Variants in PNPLA6 observed in about 807,000 individuals in gnomAD.
PNPLA6 encodes the protein patatin-like phospholipase domain-containing protein 6.
A neutral mutation model predicts 153.7 loss-of-function variants in PNPLA6; 105 were observed. The ratio of observed to expected loss-of-function variants is 0.68; its 90% CI spans 0.58 to 0.80. PNPLA6 has a LOEUF of 0.80. Among genes scored for constraint, PNPLA6 ranks in the 30% least tolerant of loss-of-function variants. PNPLA6 has a pLI of 0.00. For synonymous variants in PNPLA6, 825 were observed against 822.2 expected (o/e 1.00, Z -0.06); for missense variants, 1,423 against 1,919.3 (o/e 0.74, Z 4.83).
Position 7,541,461 on chromosome 19 carries a change from A to T in PNPLA6, c.1005+27A>T. On this transcript the variant is annotated intron_variant, in intron 8 of 31. Coordinates refer to ENST00000600737, the MANE Select transcript of PNPLA6 (RefSeq NM_001166114.2). The surrounding 1 kb of genome is among the most constrained non-coding windows in gnomAD (Gnocchi z 5.2). ...TGAGTGGGTGGCGGGGAGCGAGCAC[A>T]GGGGGGATGGGGGCGAGGTCTCCCT... 1 of 1,612,866 alleles carries T rather than the reference A, an allele frequency of 6.2e-7. No individual in the cohort carries two copies. Among genetic ancestry groups the T allele is most frequent in the Non-Finnish European group, 8.5e-7 (1 of 1,179,146 alleles).
In PNPLA6 at chr19:7,540,947, G is replaced by A; in HGVS notation, c.820G>A (p.Val274Met). Residue 274 changes from valine (V) to methionine (M), a missense_variant, in exon 7 of 32, where the codon GTG (valine) becomes ATG (methionine). Around this residue, in one of 10 missense-constraint regions of PNPLA6, gnomAD observed 118 missense variants for 158.8 expected, o/e 0.74. Transcript: ENST00000600737. This position sits in a 1 kb window ranked among gnomAD's most constrained non-coding sequence, Gnocchi z 6.8. ...GGGTCACCAGCATCCCCAGCGGACC[G>A]TGTCTGCCCGGGCGGCCCGGGACTC... ...ITGHQHPQRT[V>M]SARAARDSTV... The A allele has an allele frequency of 6.2e-7, 1 of 1,612,720 alleles. No homozygotes were observed. Among genetic ancestry groups the A allele is most frequent in the Non-Finnish European group, 8.5e-7 (1 of 1,179,852 alleles).
chr19:7,560,819 G>GC lies in PNPLA6; in HGVS notation c.3816+60dup, dbSNP rs973515680. 23 of 1,233,428 alleles carry GC rather than the reference G, an allele frequency of 1.9e-5. No individual in the cohort carries two copies. In the African/African-American group the frequency reaches 3.1e-4, roughly 17 times the overall value. The allele number at this position is 1,233,428 out of a possible 1,614,324, so 76.4% of individuals were successfully genotyped here. ...TGACTCCACTGATTACAGAACCCAA[G>GC]CCCCCTTAAAGTCTCCCCGAAACCT... On this transcript the variant is annotated intron_variant, in intron 29 of 31. Transcript: ENST00000600737.
At chr19:7,535,608 C>A, upstream of PNPLA6, 3 of 1,595,020 alleles carry the variant, frequency 1.9e-6, no homozygotes, top group Non-Finnish European at 2.6e-6. The surrounding 1 kb of genome is among the most constrained non-coding windows in gnomAD (Gnocchi z 5.0). Context: ...CGGGTAGGTG[C>A]CGGCGTGGGG....
rs1568420253 is a variant in PNPLA6 at position 7,555,255 on chromosome 19, C to G, written c.2824C>G (p.Leu942Val). The change falls in exon 23 of 32, where the codon CTC becomes GTC. Residue 942 changes from leucine (L) to valine (V), a missense_variant. Physicochemically the swap from Leu to Val is conservative, Grantham distance 32. This residue lies in a region of PNPLA6 where 643 missense variants were observed against 835.2 expected (regional missense o/e 0.77). Transcript: ENST00000600737. This position sits in a 1 kb window ranked among gnomAD's most constrained non-coding sequence, Gnocchi z 6.3. Reference sequence around the variant, plus strand: ...ACTATCTCCCCCATCCCAGCATGAGCTCTACGAGAAGGTTTTCTCCAGGCG... The same window carrying G: ...ACTATCTCCCCCATCCCAGCATGAGGTCTACGAGAAGGTTTTCTCCAGGCG... ...SRRSPAKLHE[L>V]YEKVFSRRAD... is the part of the protein sequence containing the mutation. 6.3e-7 allele frequency: 1 copy of G among 1,597,088 alleles called. No homozygotes were observed. The highest frequency in any genetic ancestry group is 8.5e-7 in the Non-Finnish European group (1 of 1,171,684).
At chr19:7,539,660 G>A (rs1442229397) in intron 3 of PNPLA6, among the ~76,000 whole-genome samples, 1 of 151,826 alleles carries the variant, frequency 6.6e-6, no homozygotes, top group African/African-American at 2.4e-5. Context: ...GGGAGGCTGA[G>A]GCAGGAGAAT....
intron 28 of PNPLA6, 74 bp downstream of exon 28, chr19:7,559,225 T>C: frequency 7.7e-7 from 1 of 1,299,138 alleles, no homozygotes. Flanking sequence ...CCCAGAGTGG[T>C]ATGAGGGGGA....
At chr19:7,539,757 CA>C (rs762061101) in intron 3 of PNPLA6, among the ~76,000 whole-genome samples, 160 bp from the exon 4 acceptor site, 184 of 50,888 alleles carry the variant, frequency 3.6e-3, no homozygotes, top group Middle Eastern at 0.031. Context: ...AACTTCGTCT[CA>C]AAAAAAAAAA....
chr19:7,548,357 C>CA (rs1396539937), intron 13 of PNPLA6, among the ~76,000 whole-genome samples: 3 of 147,362 alleles, frequency 2.0e-5, no homozygotes, highest in African/African-American at 7.6e-5. Context: ...ACCAACAAAC[C>CA]AAAAAACCCC....
rs199903577 is a variant in PNPLA6 at position 7,542,883 on chromosome 19, C to T, written c.1485C>T (p.Ile495=). Reference sequence around the variant, plus strand: ...ACCAGGGCCGCCAGACCAGCAGCATCTTCGAGGCAGCAAAGCAGGAGCTGG... The same window carrying T: ...ACCAGGGCCGCCAGACCAGCAGCATTTTCGAGGCAGCAAAGCAGGAGCTGG... ...GPYQGRQTSS[I]FEAAKQELAK... Residue 495 remains isoleucine (I), a synonymous_variant, in exon 12 of 32, where the codon ATC becomes ATT. Transcript: ENST00000600737. 2,602 of 1,613,428 alleles carry T rather than the reference C, an allele frequency of 1.6e-3. 17 individuals carry two copies. Among genetic ancestry groups the T allele is most frequent in the South Asian group, 0.011 (1,006 of 91,088 alleles).
rs1278398030 is a variant in PNPLA6, at chr19:7,551,125, C to T, written c.2184+18C>T. 1.6e-5 allele frequency: 9 copies of T among 562,274 alleles called. No individual in the cohort carries two copies. Among genetic ancestry groups the T allele is most frequent in the Non-Finnish European group, 2.6e-5 (9 of 341,778 alleles). 34.8% of individuals were successfully genotyped at this position (562,274 alleles called of 1,614,324 possible). A position where few individuals can be genotyped will look rare whatever the true frequency, so the allele number is the denominator to read the frequency against. On this transcript the variant is annotated intron_variant, in intron 17 of 31. Coordinates refer to ENST00000600737, the MANE Select transcript of PNPLA6 (RefSeq NM_001166114.2). Reference sequence around the variant, plus strand: ...ACCCGCAGGTGCGGCCTGTTGTGGGCGGGGCAGAGAGGCGGAGGCGGGACT... The same window carrying T: ...ACCCGCAGGTGCGGCCTGTTGTGGGTGGGGCAGAGAGGCGGAGGCGGGACT...
At chr19:7,542,165 G>A (rs1048471471) in intron 10 of PNPLA6, 98 bp downstream of exon 10, 7 of 917,748 alleles carry the variant, frequency 7.6e-6, no homozygotes, top group South Asian at 1.3e-5. Context: ...CTGCGAAATG[G>A]GAACACTGCC....
Position 7,541,973 on chromosome 19 carries a change from G to A in PNPLA6, c.1169-11G>A, listed in dbSNP as rs1233240444. 2 of 1,606,082 alleles carry A rather than the reference G, an allele frequency of 1.2e-6. No homozygotes were observed. ...CTGAGGGGCAGGAGCCTGAACATGT[G>A]TCTCCCCCAGGGGACCCTGTGAAGC... On this transcript the variant is annotated splice_polypyrimidine_tract_variant and intron_variant, in intron 9 of 31. Coordinates refer to ENST00000600737, the MANE Select transcript of PNPLA6 (RefSeq NM_001166114.2). The surrounding 1 kb of genome is among the most constrained non-coding windows in gnomAD (Gnocchi z 5.2).
rs775074101 is a variant in PNPLA6 at position 7,540,976 on chromosome 19, G to T, written c.849G>T (p.Thr283=). The change falls in exon 7 of 32, where the codon ACG becomes ACT. Residue 283 remains threonine (T), a synonymous_variant. Transcript: ENST00000600737. The surrounding 1 kb of genome is among the most constrained non-coding windows in gnomAD (Gnocchi z 6.8). ...CTGCCCGGGCGGCCCGGGACTCCAC[G>T]GTGCTGCGCCTGCCGGTGGAAGCAT... ...TVSARAARDS[T]VLRLPVEAFS... 1.9e-6 allele frequency: 3 copies of T among 1,610,704 alleles called. No individual in the cohort carries two copies. In the Admixed American group the frequency reaches 5.0e-5, roughly 27 times the overall value.
chr19:7,554,775 C>T, intron 21 of PNPLA6, 52 bp downstream of exon 21: 1 of 1,599,142 alleles, frequency 6.3e-7, no homozygotes. Flanking sequence ...CGTCCTTTGC[C>T]CTCCCGTGCC....
In PNPLA6 at chr19:7,561,537, C is replaced by T. The variant is rs116012798; in HGVS notation, c.4073C>T (p.Pro1358Leu). The change falls in exon 32 of 32, where the codon CCG (proline) becomes CTG (leucine). Residue 1358 changes from proline to leucine, a missense_variant. Pro to Leu is a moderately conservative substitution (Grantham distance 98). Transcript: ENST00000600737. ...LRQRRCLPQE[P>L]PGSATDA ...CAACGACGCTGTCTGCCCCAGGAGC[C>T]GCCCGGCTCAGCCACAGATGCCTGA... 8.1e-4 allele frequency: 1,296 copies of T among 1,606,888 alleles called. 14 individuals are homozygous for T. The African/African-American group carries it at 0.015, about 18-fold the overall frequency.
Position 7,555,267 on chromosome 19 carries a change from G to GTT in PNPLA6, c.2839_2840dup (p.Arg949ProfsTer26), listed in dbSNP as rs1168679768. 1 of 1,597,740 alleles carries GTT rather than the reference G, an allele frequency of 6.3e-7. No homozygotes were observed. On this transcript the variant is annotated frameshift_variant, in exon 23 of 32. Coordinates refer to ENST00000600737, the MANE Select transcript of PNPLA6 (RefSeq NM_001166114.2). LOFTEE classifies it high-confidence loss of function. This position sits in a 1 kb window ranked among gnomAD's most constrained non-coding sequence, Gnocchi z 6.3. ...ATCCCAGCATGAGCTCTACGAGAAGGTTTTCTCCAGGCGCGCGGACCGGCA... is the reference window on the plus strand; with the variant it reads ...ATCCCAGCATGAGCTCTACGAGAAGGTTTTTTCTCCAGGCGCGCGGACCGGCA...
rs760279180 is a variant in PNPLA6 at position 7,558,851 on chromosome 19, G to A, written c.3399G>A (p.Ala1133=). 42 of 1,606,480 alleles carry A rather than the reference G, an allele frequency of 2.6e-5. No individual in the cohort carries two copies. The highest frequency in any genetic ancestry group is 1.7e-4 in the Admixed American group (10 of 59,806). Residue 1133 remains alanine (A), a splice_region_variant and synonymous_variant, in exon 28 of 32, where the codon GCG becomes GCA. Coordinates refer to ENST00000600737, the MANE Select transcript of PNPLA6 (RefSeq NM_001166114.2). ...CCGCTGACCCCCCTGGCCCCACAGCGGACATCGCCCGCAGCATGGGTGCCA... is the reference window on the plus strand; with the variant it reads ...CCGCTGACCCCCCTGGCCCCACAGCAGACATCGCCCGCAGCATGGGTGCCA... ...MDGGYINNLP[A]DIARSMGAKT... is the part of the protein sequence containing the mutation.
intron 13 of PNPLA6, among the ~76,000 whole-genome samples, chr19:7,547,820 T>A (rs367780500): frequency 0.013 from 104 of 8,086 alleles, 7 homozygotes; most frequent in African/African-American, 0.08. Context: ...AATTTTTTTT[T>A]TTTTTTTTTT....
chr19:7,552,755 CAA>C (rs561292553), intron 18 of PNPLA6, among the ~76,000 whole-genome samples: 3 of 43,912 alleles, frequency 6.8e-5, no homozygotes, highest in African/African-American at 5.5e-5. Flanking sequence ...AACTCCATCT[CAA>C]AAAAAAAAAA....
Sources: allele counts gnomAD v4.1 joint callset (sites outside exome capture counted in the v4.1 genomes callset), GRCh38; gene constraint gnomAD v4.1.1; regional missense constraint gnomAD v4.1.1; non-coding constraint Gnocchi (gnomAD v3.1); transcripts MANE v1.5; gene names NCBI Gene and HGNC (gene_info 2026-07-23, HGNC 2026-07-21).